The following PRICKLE2 variants were observed in gnomAD, a reference collection of about 807,000 sequenced individuals.
PRICKLE2 encodes prickle-like protein 2.
PRICKLE2 carries 21 observed loss-of-function variants against 81.4 expected under a neutral mutation model. The ratio of observed to expected loss-of-function variants is 0.26; its 90% CI spans 0.18 to 0.37. The LOEUF (loss-of-function observed/expected upper bound fraction) is 0.37. PRICKLE2 is among the 10% of genes least tolerant of loss of function. The pLI, the probability that PRICKLE2 is intolerant of heterozygous loss-of-function variation, is 1.00. For synonymous variants in PRICKLE2, 456 were observed against 421.5 expected (o/e 1.08, Z -1.00); for missense variants, 940 against 1,109.0 (o/e 0.85, Z 2.16).
intron 2 of PRICKLE2, among the ~76,000 whole-genome samples, chr3:64,242,038 G>A (rs2079273414): frequency 6.6e-6 from 1 of 152,108 alleles, no homozygotes; most frequent in African/African-American, 2.4e-5. Context: ...CAGATTAGCT[G>A]AAGGGTTCTT....
chr3:64,209,578 A>G (rs2078753167), intron 1 of PRICKLE2, among the ~76,000 whole-genome samples: 1 of 152,178 alleles, frequency 6.6e-6, no homozygotes, highest in Non-Finnish European at 1.5e-5. Flanking sequence ...ATATCCATAC[A>G]TACATCCATA....
intron 2 of PRICKLE2, among the ~76,000 whole-genome samples, chr3:64,248,171 C>T (rs1355863961): frequency 1.3e-5 from 2 of 152,298 alleles, no homozygotes; most frequent in African/African-American, 2.4e-5. Context: ...ATTCACTCAA[C>T]GTTAGTTAAT....
At chr3:64,111,406 G>C (rs540442062) in intron 7 of PRICKLE2, among the ~76,000 whole-genome samples, 1 of 152,272 alleles carries the variant, frequency 6.6e-6, no homozygotes, top group South Asian at 2.1e-4. Flanking sequence ...GAAGCTACTT[G>C]AGAACTCTTC....
intron 1 of PRICKLE2, among the ~76,000 whole-genome samples, chr3:64,215,412 C>T (rs1284261881): frequency 6.6e-6 from 1 of 152,100 alleles, no homozygotes; most frequent in Non-Finnish European, 1.5e-5. Flanking sequence ...ACATCAGACG[C>T]CATTTTATTT....
rs369079932 is a variant in PRICKLE2, at chr3:64,147,584, G to A, written c.906C>T (p.Gly302=). 1.2e-5 allele frequency: 20 copies of A among 1,614,228 alleles called. No individual in the cohort carries two copies. The African/African-American group carries it at 2.3e-4, about 18-fold the overall frequency. ...TGCAGGCCCGTGAGCAGAATATCTG[G>A]CCCTGCTTCGGGAGGAATGGCCGCC... ...LLGRPFLPKQ[G]QIFCSRACSA... Residue 302 remains glycine, a synonymous_variant, in exon 7 of 8, where the codon GGC becomes GGT. Transcript: ENST00000638394. This position sits in a 1 kb window ranked among gnomAD's most constrained non-coding sequence, Gnocchi z 5.0.
intron 7 of PRICKLE2, among the ~76,000 whole-genome samples, chr3:64,116,885 T>TACA (rs1052666300): frequency 1.8e-4 from 27 of 152,130 alleles, no homozygotes; most frequent in African/African-American, 6.0e-4. Flanking sequence ...CTGGTAGAGA[T>TACA]ACAACAACAA....
In PRICKLE2 at chr3:64,254,688, T is replaced by C. The variant is rs189841155; in HGVS notation, c.129-55721A>G. Reference sequence around the variant, plus strand: ...ATGTCATCACCTCTCGGAAGCTTTCTTGATCCCTCCTCTCAAGTCAAAATT... The same window carrying C: ...ATGTCATCACCTCTCGGAAGCTTTCCTGATCCCTCCTCTCAAGTCAAAATT... On this transcript the variant is annotated intron_variant, in intron 2 of 8. Coordinates refer to the PRICKLE2 transcript ENST00000295902. Among the ~76,000 whole-genome samples, 19 of 152,374 alleles carry C rather than the reference T, an allele frequency of 1.2e-4. No homozygotes were observed. In the East Asian group the frequency reaches 3.5e-3, roughly 28 times the overall value.
intron 2 of PRICKLE2, among the ~76,000 whole-genome samples, chr3:64,164,163 G>A (rs1020119813): frequency 6.6e-6 from 1 of 152,018 alleles, no homozygotes. Context: ...AACCACCTGA[G>A]GGCGGCAGTT....
At chr3:64,262,258 A>G (rs1390810888) in intron 2 of PRICKLE2, among the ~76,000 whole-genome samples, 1 of 152,208 alleles carries the variant, frequency 6.6e-6, no homozygotes, top group East Asian at 1.9e-4. Context: ...ACTTATTCCC[A>G]TTGGATAGGA....
chr3:64,163,311 A>C, intron 2 of PRICKLE2, 182 bp from the exon 3 acceptor site: 1 of 644,622 alleles, frequency 1.6e-6, no homozygotes, highest in South Asian at 1.7e-5. Context: ...TTAAAGCAAG[A>C]GTCAGGCAAA....
chr3:64,147,505 C>T lies in PRICKLE2; in HGVS notation c.985G>A (p.Ala329Thr), dbSNP rs1447125975. Residue 329 changes from alanine to threonine, a missense_variant, in exon 7 of 8, where the codon GCC becomes ACC. Transcript: ENST00000638394. The surrounding 1 kb of genome is among the most constrained non-coding windows in gnomAD (Gnocchi z 5.0). ...CTGCGCCGGGACTCCTTGGCCCTGGCGTTCTGGAAGGCGGAATCAGAGGAG... is the reference window on the plus strand; with the variant it reads ...CTGCGCCGGGACTCCTTGGCCCTGGTGTTCTGGAAGGCGGAATCAGAGGAG... The part of the protein sequence containing the change: ...SDSSDSAFQN[A>T]RAKESRRSAK... 5 of 1,614,238 alleles carry T rather than the reference C, an allele frequency of 3.1e-6. No individual in the cohort carries two copies. Among genetic ancestry groups the T allele is most frequent in the Middle Eastern group, 1.6e-4 (1 of 6,062 alleles).
chr3:64,202,645 C>CGTGTGTGTGTGTGTGT (rs71099794), intron 1 of PRICKLE2, among the ~76,000 whole-genome samples: 145 of 149,432 alleles, frequency 9.7e-4, no homozygotes, highest in East Asian at 2.2e-3. Context: ...TACTTGTGTG[C>CGTGTGTGTGTGTGTGT]GTGTGTGTGT....
rs1339547258 is a variant in PRICKLE2 at position 64,157,348 on chromosome 3, A to G, written c.414T>C (p.Asn138=). ...ACGCAAACACAGCGATGTCTCCACC[A>G]TTGATCTGGCCTCCGCACTGTGAGG... ...AICEQCGGQI[N]GGDIAVFASR... is the part of the protein sequence containing the mutation. Residue 138 remains asparagine (N), a synonymous_variant, in exon 5 of 8, where the codon AAT becomes AAC. Coordinates refer to ENST00000638394, the MANE Select transcript of PRICKLE2 (RefSeq NM_198859.4). 4 of 1,613,268 alleles carry G rather than the reference A, an allele frequency of 2.5e-6. No individual in the cohort carries two copies. The highest frequency in any genetic ancestry group is 4.5e-5 in the East Asian group (2 of 44,880).
rs1226663790 is a variant in PRICKLE2 at position 64,098,180 on chromosome 3, TTAAG to T, written c.*867_*870del. On this transcript the variant is annotated 3_prime_UTR_variant, in exon 8 of 8. Coordinates refer to ENST00000638394, the MANE Select transcript of PRICKLE2 (RefSeq NM_198859.4). ...ACTTTCCCCAAGGGATAGATCAACA[TTAAG>T]TAACTTCAACATTCCCAGCAGGGAT... The T allele has an allele frequency of 6.6e-6, 1 of 152,662 alleles. No individual in the cohort carries two copies. The highest frequency in any genetic ancestry group is 1.5e-5 in the Non-Finnish European group (1 of 68,040). The allele number at this position is 152,662 out of a possible 1,614,324, so 9.5% of individuals were successfully genotyped here. A position where few individuals can be genotyped will look rare whatever the true frequency, so the allele number is the denominator to read the frequency against.
At chr3:64,199,070 T>C (rs2078518336) in intron 1 of PRICKLE2, 103 bp from the exon 2 acceptor site, 7 of 1,043,178 alleles carry the variant, frequency 6.7e-6, no homozygotes, top group African/African-American at 1.6e-5. Flanking sequence ...ATAAACACAT[T>C]CCTTGGCAAT....
intron 1 of PRICKLE2, among the ~76,000 whole-genome samples, chr3:64,202,385 T>C (rs2078599417): frequency 6.6e-6 from 1 of 152,198 alleles, no homozygotes; most frequent in Non-Finnish European, 1.5e-5. Context: ...TGCCAATCCA[T>C]GAACACAGGC....
chr3:64,155,724 T>G (rs1453172598), intron 5 of PRICKLE2, among the ~76,000 whole-genome samples: 1 of 152,202 alleles, frequency 6.6e-6, no homozygotes, highest in Non-Finnish European at 1.5e-5. Flanking sequence ...TTACATATAC[T>G]ACTATATGGA....
intron 1 of PRICKLE2, among the ~76,000 whole-genome samples, chr3:64,218,389 A>T (rs1359622113): frequency 3.9e-5 from 6 of 152,242 alleles, no homozygotes; most frequent in Non-Finnish European, 8.8e-5. Flanking sequence ...TTCACACAGT[A>T]AGTCCCAAGA....
chr3:64,181,849 A>G (rs1034251391), intron 2 of PRICKLE2, among the ~76,000 whole-genome samples: 1 of 152,206 alleles, frequency 6.6e-6, no homozygotes, highest in African/African-American at 2.4e-5. Context: ...TGGTGAATTG[A>G]TTCAGAAGTA....
Sources: allele counts gnomAD v4.1 joint callset (sites outside exome capture counted in the v4.1 genomes callset), GRCh38; gene constraint gnomAD v4.1.1; non-coding constraint Gnocchi (gnomAD v3.1); transcripts MANE v1.5; gene names NCBI Gene and HGNC (gene_info 2026-07-23, HGNC 2026-07-21).